Variants in C6orf89 observed in about 807,000 individuals in gnomAD.
The protein encoded by C6orf89 is bombesin receptor-activated protein C6orf89.
Under a neutral mutation model 40.7 loss-of-function variants are expected in C6orf89, and 29 were observed. The ratio of observed to expected loss-of-function variants is 0.71; its 90% confidence interval spans 0.53 to 0.97. C6orf89 has a LOEUF of 0.97. Among genes scored for constraint, C6orf89 ranks in the 50% least tolerant of loss-of-function variants. The pLI, the probability that C6orf89 is intolerant of heterozygous loss-of-function variation, is 0.00. For missense variants in C6orf89, 392 were observed against 429.1 expected (o/e 0.91, Z 0.76); for synonymous variants, 165 against 152.2 (o/e 1.08, Z -0.62).
At chr6:36,901,047 A>G (rs1424053471) in intron 3 of C6orf89, among the ~76,000 whole-genome samples, 1 of 150,558 alleles carries the variant, frequency 6.6e-6, no homozygotes, top group Non-Finnish European at 1.5e-5. Flanking sequence ...GAGTTTCACT[A>G]TGTTGGTCAG....
chr6:36,905,316 G>A (rs932535529), intron 4 of C6orf89, among the ~76,000 whole-genome samples: 5 of 152,242 alleles, frequency 3.3e-5, no homozygotes, highest in Middle Eastern at 6.8e-3. Context: ...TGAGCCCTTC[G>A]CCTCTGATGT....
In C6orf89 at chr6:36,914,449, T is replaced by G. The variant is rs1346993591; in HGVS notation, c.555+14T>G. On this transcript the variant is annotated intron_variant, in intron 5 of 8. Coordinates refer to ENST00000480824, the MANE Select transcript of C6orf89 (RefSeq NM_001286635.2). ...CTGGTGATCAAGGTGAGCAGAAGCC[T>G]GAGTCTCCCGCTGATTGGCTGCTTG... The G allele has an allele frequency of 1.2e-6, 2 of 1,614,020 alleles. No homozygotes were observed. The highest frequency in any genetic ancestry group is 1.7e-6 in the Non-Finnish European group (2 of 1,179,884).
intron 4 of C6orf89, among the ~76,000 whole-genome samples, chr6:36,913,616 A>G (rs1762202322): frequency 6.6e-6 from 1 of 152,244 alleles, no homozygotes; most frequent in Admixed American, 6.5e-5. Context: ...GTCATAGGTT[A>G]GAAAATGTTG....
At chr6:36,873,980 T>G (rs11756425) in intron 1 of C6orf89, among the ~76,000 whole-genome samples, 29,532 of 152,076 alleles carry the variant, frequency 0.19, 3,678 homozygotes, top group East Asian at 0.34. Context: ...CACTTTGAGC[T>G]TTTTCCAAAG....
At chr6:36,920,269 G>A (rs1343094037) in intron 8 of C6orf89, among the ~76,000 whole-genome samples, 1 of 152,190 alleles carries the variant, frequency 6.6e-6, no homozygotes, top group Non-Finnish European at 1.5e-5. Flanking sequence ...CCCTGGCTCA[G>A]TGTTTGCCCA....
At chr6:36,920,082 T>C (rs58233955) in intron 8 of C6orf89, among the ~76,000 whole-genome samples, 2,015 of 152,322 alleles carry the variant, frequency 0.013, 51 homozygotes, top group African/African-American at 0.046. Flanking sequence ...CTTAAGTGCC[T>C]GCTTGAACAC....
chr6:36,899,492 G>C lies in C6orf89; in HGVS notation c.48G>C (p.Glu16Asp), dbSNP rs368640375. The change falls in exon 3 of 9, where the codon GAG becomes GAC. Residue 16 changes from glutamate to aspartate, a missense_variant. By Grantham distance (45) the Glu-to-Asp change is conservative (BLOSUM62 2). Transcript: ENST00000480824. ...NEISIYDKLS[E>D]TVDLVRQTGH... Reference sequence around the variant, plus strand: ...TCAGCATTTATGACAAACTTTCAGAGACTGTTGATTTGGTGAGACAGACCG... The same window carrying C: ...TCAGCATTTATGACAAACTTTCAGACACTGTTGATTTGGTGAGACAGACCG... 3.7e-6 allele frequency: 6 copies of C among 1,614,116 alleles called. No individual in the cohort carries two copies. Among genetic ancestry groups the C allele is most frequent in the Non-Finnish European group, 5.1e-6 (6 of 1,180,030 alleles).
upstream of C6orf89, among the ~76,000 whole-genome samples, chr6:36,882,659 T>C (rs947204715): frequency 9.2e-5 from 14 of 152,142 alleles, no homozygotes; most frequent in Admixed American, 2.0e-4. Context: ...TGCGTTTGGC[T>C]ACCTGATGGG....
intron 8 of C6orf89, among the ~76,000 whole-genome samples, chr6:36,920,325 C>G (rs1583203884): frequency 6.6e-6 from 1 of 152,222 alleles, no homozygotes; most frequent in African/African-American, 2.4e-5. Context: ...AAATCTGTTC[C>G]AAAGAAACAG....
Position 36,923,389 on chromosome 6 carries a change from G to A in C6orf89, c.992G>A (p.Arg331Lys). 2 of 1,614,194 alleles carry A rather than the reference G, an allele frequency of 1.2e-6. No homozygotes were observed. Among genetic ancestry groups the A allele is most frequent in the Non-Finnish European group, 1.7e-6 (2 of 1,180,010 alleles). ...TTHWKVYVIA[R>K]GVQPLVICDG... ...CACTGGAAGGTCTACGTTATAGCCA[G>A]AGGGGTCCAGCCTTTGGTCATCTGC... The change falls in exon 9 of 9, where the codon AGA becomes AAA. Residue 331 changes from arginine (R) to lysine (K), a missense_variant. Transcript: ENST00000480824.
chr6:36,883,620 G>A (rs565946669), upstream of C6orf89, among the ~76,000 whole-genome samples: 2 of 152,188 alleles, frequency 1.3e-5, no homozygotes, highest in Admixed American at 1.3e-4. Flanking sequence ...AAGGCCCAAT[G>A]TAGGTAACAA....
At chr6:36,923,173 A>G (rs1027358930) in intron 8 of C6orf89, among the ~76,000 whole-genome samples, 174 bp from the exon 9 acceptor site, 1 of 152,260 alleles carries the variant, frequency 6.6e-6, no homozygotes, top group Non-Finnish European at 1.5e-5. Flanking sequence ...CTCTTAAAAA[A>G]TAAAAAAGGA....
intron 8 of C6orf89, 52 bp from the exon 9 acceptor site, chr6:36,923,295 T>C: frequency 6.3e-6 from 9 of 1,431,524 alleles, no homozygotes; most frequent in Non-Finnish European, 7.8e-6. Flanking sequence ...TGCCCACAGG[T>C]GTGCCCACCC....
Position 36,916,625 on chromosome 6 carries a change from T to G in C6orf89, c.825+51T>G, listed in dbSNP as rs762462243. On this transcript the variant is annotated intron_variant, in intron 7 of 8. Transcript: ENST00000480824. The stretch of plus-strand genomic sequence containing the variant: ...TCTAGAATTTTCTTTATTTGGGACC[T>G]GGACTGATGTCATAACCAAGGCCTT... 9 of 1,608,980 alleles carry G rather than the reference T, an allele frequency of 5.6e-6. No homozygotes were observed. The South Asian group carries it at 9.9e-5, about 18-fold the overall frequency.
intron 4 of C6orf89, 80 bp from the exon 5 acceptor site, chr6:36,914,204 T>G (rs1228488341): frequency 8.0e-7 from 1 of 1,242,910 alleles, no homozygotes; most frequent in Non-Finnish European, 1.1e-6. Context: ...CTTTCCTTTC[T>G]TGTTTCATTG....
At chr6:36,872,192 T>C (rs1215066851) in intron 1 of C6orf89, among the ~76,000 whole-genome samples, 1 of 151,930 alleles carries the variant, frequency 6.6e-6, no homozygotes, top group Non-Finnish European at 1.5e-5. Flanking sequence ...GAAACCAATA[T>C]AACCAACCCC....
chr6:36,881,984 C>T (rs1013801894), upstream of C6orf89, among the ~76,000 whole-genome samples: 13 of 152,036 alleles, frequency 8.6e-5, no homozygotes, highest in African/African-American at 3.1e-4. Context: ...TTGGTTCCCT[C>T]TTTTAGAAAG....
chr6:36,893,770 A>G lies in C6orf89; in HGVS notation c.-119-734A>G, dbSNP rs150011859. Among the ~76,000 whole-genome samples the G allele has an allele frequency of 8.1e-4, 124 of 152,294 alleles. 3 individuals are homozygous for G. In the East Asian group the frequency reaches 0.022, roughly 28 times the overall value. On this transcript the variant is annotated intron_variant, in intron 1 of 8. Coordinates refer to ENST00000480824, the MANE Select transcript of C6orf89 (RefSeq NM_001286635.2). ...ATATGGTGAAACCCTGTCTCTACTA[A>G]AAATACAAAAATTAGCTGGGTATGG... is the stretch of plus-strand genomic sequence containing the variant.
At chr6:36,911,418 A>T (rs1762119251) in intron 4 of C6orf89, among the ~76,000 whole-genome samples, 1 of 152,114 alleles carries the variant, frequency 6.6e-6, no homozygotes, top group African/African-American at 2.4e-5. Flanking sequence ...TGACCCCAGG[A>T]GGCGGAGGTT....
Sources: gnomAD v4.1 joint callset for allele counts (sites outside exome capture counted in the v4.1 genomes callset) on GRCh38, gnomAD v4.1.1 for gene constraint, MANE v1.5 for transcripts, NCBI Gene and HGNC (gene_info 2026-07-23, HGNC 2026-07-21) for gene names.